The following GRIK1 variants were observed in gnomAD, a reference collection of about 807,000 sequenced individuals.
The protein encoded by GRIK1 is glutamate ionotropic receptor kainate type subunit 1, also known as glutamate receptor ionotropic, kainate 1.
A neutral mutation model predicts 105.7 loss-of-function variants in GRIK1; 69 were observed. That is an observed-to-expected ratio of 0.65 (90% CI 0.54 to 0.80). The LOEUF (loss-of-function observed/expected upper bound fraction) is 0.80, where lower values mean the gene tolerates loss of function less well. Among genes scored for constraint, GRIK1 ranks in the 30% least tolerant of loss-of-function variants. The pLI is 0.00. For missense variants in GRIK1, 1,109 were observed against 1,167.3 expected (o/e 0.95, Z 0.73); for synonymous variants, 438 against 431.3 (o/e 1.02, Z -0.19).
chr21:29,890,916 T>G (rs1413720861), intron 1 of GRIK1, among the ~76,000 whole-genome samples: 1 of 152,186 alleles, frequency 6.6e-6, no homozygotes. Flanking sequence ...CCAGTTGGTC[T>G]GTTTTTTGTA....
intron 1 of GRIK1, among the ~76,000 whole-genome samples, chr21:29,867,948 AAG>A (rs1241373256): frequency 4.8e-5 from 7 of 147,154 alleles, no homozygotes; most frequent in South Asian, 2.3e-4. Flanking sequence ...GAGAGAGAGA[AAG>A]AGAGAGAAAA....
intron 1 of GRIK1, among the ~76,000 whole-genome samples, chr21:29,808,017 TAAC>T (rs1428450284): frequency 6.6e-6 from 1 of 152,066 alleles, no homozygotes; most frequent in Admixed American, 6.6e-5. Context: ...ATGAGGAAAA[TAAC>T]AGATCACTGA....
chr21:29,803,606 A>G lies in GRIK1; in HGVS notation c.119-109543T>C, dbSNP rs904281049. Reference sequence around the variant, plus strand: ...TTATAGCAGGGCTTTCACTAAGTAAATGGCCCCATGTGCACTCTGAAGAGT... The same window carrying G: ...TTATAGCAGGGCTTTCACTAAGTAAGTGGCCCCATGTGCACTCTGAAGAGT... On this transcript the variant is annotated intron_variant, in intron 1 of 17. Coordinates refer to ENST00000327783, the MANE Select transcript of GRIK1 (RefSeq NM_001330994.2). Among the ~76,000 whole-genome samples the G allele has an allele frequency of 3.9e-5, 6 of 152,250 alleles. No individual in the cohort carries two copies. The East Asian group carries it at 5.8e-4, about 15-fold the overall frequency.
rs73352537 is a variant in GRIK1 at position 29,667,885 on chromosome 21, G to A, written c.726+5098C>T. ...AAAGAGCCAAATTTATTTTCAGGAAGTGAAATCACAGGCTCAAATGCATTA... is the reference window on the plus strand; with the variant it reads ...AAAGAGCCAAATTTATTTTCAGGAAATGAAATCACAGGCTCAAATGCATTA... On this transcript the variant is annotated intron_variant, in intron 4 of 17. Coordinates refer to ENST00000327783, the MANE Select transcript of GRIK1 (RefSeq NM_001330994.2). Among the ~76,000 whole-genome samples the A allele has an allele frequency of 5.2e-3, 788 of 152,332 alleles. 7 individuals are homozygous for A. Among genetic ancestry groups the A allele is most frequent in the African/African-American group, 0.018 (761 of 41,576 alleles).
intron 14 of GRIK1, among the ~76,000 whole-genome samples, chr21:29,575,606 G>A (rs1300116679): frequency 6.6e-6 from 1 of 152,162 alleles, no homozygotes; most frequent in Non-Finnish European, 1.5e-5. Context: ...GGCTGAGGCA[G>A]GCAGATCACA....
intron 14 of GRIK1, among the ~76,000 whole-genome samples, chr21:29,575,830 TCAAAA>T (rs2090879560): frequency 6.6e-6 from 1 of 151,942 alleles, no homozygotes; most frequent in Admixed American, 6.6e-5. Context: ...AGACTCCATC[TCAAAA>T]CAAAAAACAA....
intron 1 of GRIK1, among the ~76,000 whole-genome samples, chr21:29,929,201 G>C (rs551252444): frequency 6.6e-6 from 1 of 152,248 alleles, no homozygotes; most frequent in East Asian, 1.9e-4. Flanking sequence ...TTTACTAGGA[G>C]GTTATGTGAC....
intron 7 of GRIK1, among the ~76,000 whole-genome samples, chr21:29,611,547 C>T (rs1424814089): frequency 6.6e-6 from 1 of 152,032 alleles, no homozygotes; most frequent in East Asian, 1.9e-4. Context: ...CTGACAAATG[C>T]AAAGTGGCAT....
intron 1 of GRIK1, among the ~76,000 whole-genome samples, chr21:29,896,441 C>A (rs898512395): frequency 6.6e-6 from 1 of 152,212 alleles, no homozygotes; most frequent in African/African-American, 2.4e-5. Context: ...AAAACAAGTT[C>A]TTTGAAGATG....
intron 1 of GRIK1, among the ~76,000 whole-genome samples, chr21:29,728,880 G>T (rs1053261646): frequency 3.0e-4 from 46 of 152,330 alleles, no homozygotes; most frequent in African/African-American, 1.0e-3. Context: ...TTAAGTAAGA[G>T]ATAGTTTGCA....
intron 9 of GRIK1, among the ~76,000 whole-genome samples, chr21:29,592,938 G>A (rs2146297134): frequency 6.6e-6 from 1 of 152,274 alleles, no homozygotes; most frequent in Admixed American, 6.5e-5. Context: ...CCCTAAATAT[G>A]TTCCTCTAAT....
At chr21:29,553,320 T>A in intron 16 of GRIK1, 1 of 1,125,682 alleles carries the variant, frequency 8.9e-7, no homozygotes, top group Non-Finnish European at 1.1e-6. Context: ...ACAGAGAAGA[T>A]TCCTGTAAAT....
intron 1 of GRIK1, among the ~76,000 whole-genome samples, chr21:29,819,520 CTTCT>C (rs1193902466): frequency 1.3e-5 from 2 of 151,896 alleles, no homozygotes; most frequent in Non-Finnish European, 2.9e-5. Context: ...TTTAGATTTT[CTTCT>C]TTCTATTTTT....
At chr21:29,819,773 T>G (rs988540119) in intron 1 of GRIK1, among the ~76,000 whole-genome samples, 1 of 151,914 alleles carries the variant, frequency 6.6e-6, no homozygotes, top group African/African-American at 2.4e-5. Context: ...AGAATTCAGA[T>G]TTTAGAATAG....
intron 1 of GRIK1, among the ~76,000 whole-genome samples, chr21:29,745,140 T>A (rs865976915): frequency 6.6e-6 from 1 of 152,214 alleles, no homozygotes; most frequent in African/African-American, 2.4e-5. Context: ...TTTCTGAGCT[T>A]GTACCCTTTG....
At chr21:29,847,931 A>T (rs887259503) in intron 1 of GRIK1, among the ~76,000 whole-genome samples, 7 of 151,618 alleles carry the variant, frequency 4.6e-5, no homozygotes, top group South Asian at 2.1e-4. Flanking sequence ...TCTCTCTCTC[A>T]CACACACACA....
At chr21:29,848,779 A>ATATATATATATATATATATATTTTTTTT in intron 1 of GRIK1, among the ~76,000 whole-genome samples, 30 of 77,850 alleles carry the variant, frequency 3.9e-4, no homozygotes, top group African/African-American at 4.7e-4. Context: ...ATATATATAT[A>ATATATATATATATATATATATTTTTTTT]TTTTTTTTTT....
At position 29,939,546 on chromosome 21, in the gene GRIK1, G is replaced by T. The variant is rs773334989; in HGVS notation, c.-46C>A. 5 of 1,271,008 alleles carry T rather than the reference G, an allele frequency of 3.9e-6. No homozygotes were observed. Among genetic ancestry groups the T allele is most frequent in the Non-Finnish European group, 5.5e-6 (5 of 915,072 alleles). 78.7% of individuals were successfully genotyped at this position (1,271,008 alleles called of 1,614,324 possible). On this transcript the variant is annotated 5_prime_UTR_variant, in exon 1 of 18. Transcript: ENST00000327783. The stretch of plus-strand genomic sequence containing the variant: ...TGCCGAGATACAGCCGCTGCCGGAC[G>T]CCCGAGAGATGCACCCAACTTGGGC...
intron 14 of GRIK1, among the ~76,000 whole-genome samples, chr21:29,562,580 G>A (rs1282048448): frequency 1.3e-5 from 2 of 152,058 alleles, no homozygotes; most frequent in African/African-American, 4.8e-5. Flanking sequence ...GCTTGAACCC[G>A]GGAGGTGGAG....
Sources: gnomAD v4.1 joint callset for allele counts (sites outside exome capture counted in the v4.1 genomes callset) on GRCh38, gnomAD v4.1.1 for gene constraint, MANE v1.5 for transcripts, NCBI Gene and HGNC (gene_info 2026-07-23, HGNC 2026-07-21) for gene names.